Variants in FAM76B observed in about 807,000 individuals in gnomAD.
The protein encoded by FAM76B is family with sequence similarity 76 member B.
A neutral mutation model predicts 51.8 loss-of-function variants in FAM76B; 16 were observed. That is an observed-to-expected ratio of 0.31 (90% CI 0.21 to 0.47). The LOEUF is 0.47. FAM76B is among the 20% of genes least tolerant of loss of function. The pLI, the probability that FAM76B is intolerant of heterozygous loss-of-function variation, is 1.00. For missense variants in FAM76B, 342 were observed against 392.6 expected, an observed-to-expected ratio of 0.87 and a Z score of 1.09; for synonymous variants, 166 against 129.5, an observed-to-expected ratio of 1.28 and a Z score of -1.91.
rs1196092261 is a variant in FAM76B at position 95,779,652 on chromosome 11, G to A, written c.647C>T (p.Pro216Leu). ...AGATTCCAATTTGGGCTTTTTCTTT[G>A]GAGTTTCATTCTGAATTGTTGCAGA... ...KSSATIQNET[P>L]KKKPKLESKP... The change falls in exon 7 of 10, where the codon CCA becomes CTA. Residue 216 changes from proline to leucine, a missense_variant. By Grantham distance (98) the Pro-to-Leu change is moderately conservative. Coordinates refer to ENST00000358780, the MANE Select transcript of FAM76B (RefSeq NM_144664.5). The A allele has an allele frequency of 6.2e-7, 1 of 1,609,272 alleles. No individual in the cohort carries two copies. The highest frequency in any genetic ancestry group is 2.2e-5 in the East Asian group (1 of 44,560).
At chr11:95,781,473 T>C (rs1341956806) in intron 5 of FAM76B, among the ~76,000 whole-genome samples, 1 of 152,178 alleles carries the variant, frequency 6.6e-6, no homozygotes, top group Non-Finnish European at 1.5e-5. Flanking sequence ...TACTGTTCTC[T>C]TTCCCTTTAT....
At chr11:95,784,887 A>C (rs1860477068) in intron 4 of FAM76B, among the ~76,000 whole-genome samples, 1 of 152,132 alleles carries the variant, frequency 6.6e-6, no homozygotes, top group South Asian at 2.1e-4. Context: ...ATGCCTGGCC[A>C]ATCGACAGTA....
intron 9 of FAM76B, among the ~76,000 whole-genome samples, chr11:95,774,287 C>T (rs1443756690): frequency 6.6e-6 from 1 of 151,288 alleles, no homozygotes; most frequent in Non-Finnish European, 1.5e-5. Flanking sequence ...GTTTTTGCAA[C>T]AAGTAAGACA....
chr11:95,777,896 C>G lies in FAM76B; in HGVS notation c.828+926G>C, dbSNP rs527483794. On this transcript the variant is annotated intron_variant, in intron 8 of 9. Coordinates refer to ENST00000358780, the MANE Select transcript of FAM76B (RefSeq NM_144664.5). ...ACTGCATAATACATTTGATACAGGT[C>G]AAACTACATTGTCTGGGACCATAAA... Among the ~76,000 whole-genome samples the G allele has an allele frequency of 4.6e-5, 7 of 151,508 alleles. No homozygotes were observed. In the East Asian group the frequency reaches 1.4e-3, roughly 29 times the overall value.
intron 5 of FAM76B, among the ~76,000 whole-genome samples, chr11:95,782,360 G>A (rs922939923): frequency 6.6e-6 from 1 of 151,990 alleles, no homozygotes; most frequent in African/African-American, 2.4e-5. Flanking sequence ...GTATTTGGAG[G>A]ATGTGAAACC....
rs970110649 is a variant in FAM76B, at chr11:95,789,567, G to A, written c.-89C>T. 9.8e-6 allele frequency: 12 copies of A among 1,223,516 alleles called. No individual in the cohort carries two copies. The highest frequency in any genetic ancestry group is 5.6e-5 in the East Asian group (2 of 36,014). The allele number at this position is 1,223,516 out of a possible 1,614,324, so 75.8% of individuals were successfully genotyped here. A position where few individuals can be genotyped will look rare whatever the true frequency, so the allele number is the denominator to read the frequency against. On this transcript the variant is annotated 5_prime_UTR_variant, in exon 1 of 10. Coordinates refer to ENST00000358780, the MANE Select transcript of FAM76B (RefSeq NM_144664.5). ...AGAGCCGCCGCCGCCCGGGCCGCGG[G>A]CTCCTCCTCCTCCCCCTCCCCCTGC...
chr11:95,774,153 G>A (rs1156766609), intron 9 of FAM76B, among the ~76,000 whole-genome samples: 1 of 151,268 alleles, frequency 6.6e-6, no homozygotes, highest in Non-Finnish European at 1.5e-5. Flanking sequence ...ACCTGAAGTG[G>A]TGGGAACTAG....
intron 2 of FAM76B, among the ~76,000 whole-genome samples, 200 bp downstream of exon 2, chr11:95,788,299 G>A (rs2120316183): frequency 6.6e-6 from 1 of 152,150 alleles, no homozygotes; most frequent in East Asian, 1.9e-4. Context: ...CTCATATAAA[G>A]TCTAACTGTA....
At chr11:95,776,291 TAG>T (rs1402827587) in intron 8 of FAM76B, among the ~76,000 whole-genome samples, 2 of 151,486 alleles carry the variant, frequency 1.3e-5, no homozygotes, top group South Asian at 2.1e-4. Context: ...CGACTGGAAA[TAG>T]AGTTTGGCAA....
intron 6 of FAM76B, 38 bp downstream of exon 6, chr11:95,779,841 A>G (rs2120233454): frequency 6.3e-7 from 1 of 1,584,624 alleles, no homozygotes. Flanking sequence ...ATAAATATAC[A>G]TTTCAAAATA....
intron 1 of FAM76B, chr11:95,788,776 G>C (rs915687600): frequency 2.1e-6 from 3 of 1,434,854 alleles, no homozygotes; most frequent in Non-Finnish European, 2.8e-6. Context: ...GTAGACGTGG[G>C]GGTATATTAC....
At chr11:95,789,164 C>A in intron 1 of FAM76B, 1 of 1,109,700 alleles carries the variant, frequency 9.0e-7, no homozygotes, top group Non-Finnish European at 1.2e-6. Context: ...GGCCCGGCAC[C>A]CTCCTGGGCC....
chr11:95,787,175 A>G (rs1395753664), intron 3 of FAM76B, among the ~76,000 whole-genome samples: 1 of 152,234 alleles, frequency 6.6e-6, no homozygotes, highest in African/African-American at 2.4e-5. Context: ...TTTCCATCAA[A>G]GTATCTATAG....
chr11:95,786,475 G>T lies in FAM76B; in HGVS notation c.208-201C>A, dbSNP rs149524529. 7.2e-3 allele frequency: 3,607 copies of T among 503,206 alleles called. 28 individuals carry two copies. The highest frequency in any genetic ancestry group is 0.018 in the South Asian group (531 of 29,832). 31.2% of individuals were successfully genotyped at this position (503,206 alleles called of 1,614,324 possible). On this transcript the variant is annotated intron_variant, in intron 3 of 9. Coordinates refer to ENST00000358780, the MANE Select transcript of FAM76B (RefSeq NM_144664.5). The stretch of plus-strand genomic sequence containing the variant: ...TCAACTAGTATTTATTTCTAGTCAT[G>T]TAACTATTACTCTAAGATCGTGAGA...
At position 95,789,544 on chromosome 11, in the gene FAM76B, AGCC is replaced by A. The variant is rs1015267633; in HGVS notation, c.-69_-67del. On this transcript the variant is annotated 5_prime_UTR_variant, in exon 1 of 10. Transcript: ENST00000358780. ...GGCGGGGCCCTACGGAGAACCCGAG[AGCC>A]GCCGCCGCCCGGGCCGCGGGCTCCT... is the stretch of plus-strand genomic sequence containing the variant. The A allele has an allele frequency of 3.4e-6, 5 of 1,452,294 alleles. No individual in the cohort carries two copies. Among genetic ancestry groups the A allele is most frequent in the East Asian group, 2.6e-5 (1 of 37,906 alleles). The allele number at this position is 1,452,294 out of a possible 1,614,324, so 90.0% of individuals were successfully genotyped here. A position where few individuals can be genotyped will look rare whatever the true frequency, so the allele number is the denominator to read the frequency against.
At chr11:95,782,234 C>T (rs538780003) in intron 5 of FAM76B, among the ~76,000 whole-genome samples, 1 of 152,134 alleles carries the variant, frequency 6.6e-6, no homozygotes, top group Non-Finnish European at 1.5e-5. Flanking sequence ...TAACTCCCCC[C>T]ACAGGTCACT....
chr11:95,782,271 G>GTC (rs895191842), intron 5 of FAM76B, among the ~76,000 whole-genome samples: 5 of 152,080 alleles, frequency 3.3e-5, no homozygotes, highest in Non-Finnish European at 4.4e-5. Context: ...GCTGACCCTT[G>GTC]AACAACCCAG....
chr11:95,772,754 C>T (rs1425829017), intron 9 of FAM76B, among the ~76,000 whole-genome samples: 1 of 150,926 alleles, frequency 6.6e-6, no homozygotes, highest in Non-Finnish European at 1.5e-5. Context: ...TCTCTGTATG[C>T]CATCTTAAAG....
intron 9 of FAM76B, among the ~76,000 whole-genome samples, chr11:95,775,662 A>G (rs1859970645): frequency 6.6e-6 from 1 of 151,572 alleles, no homozygotes; most frequent in South Asian, 2.1e-4. Context: ...ACACACTCCA[A>G]TGATACCCTC....
Sources: allele counts gnomAD v4.1 joint callset (sites outside exome capture counted in the v4.1 genomes callset), GRCh38; gene constraint gnomAD v4.1.1; transcripts MANE v1.5; gene names NCBI Gene and HGNC (gene_info 2026-07-23, HGNC 2026-07-21).